The following MYO16 variants were observed in gnomAD, a reference collection of about 807,000 sequenced individuals.
MYO16 encodes the protein myosin XVI.
MYO16 carries 94 observed loss-of-function variants against 205.3 expected under a neutral mutation model. The observed-to-expected ratio is 0.46, with a 90% confidence interval of 0.39 to 0.54. The LOEUF (loss-of-function observed/expected upper bound fraction) is 0.54. Ranked by LOEUF, MYO16 falls within the 20% of genes least tolerant of loss-of-function variation. The probability of loss-of-function intolerance (pLI) is 0.00; values close to 1 mark genes in which losing one functional copy is unlikely to be tolerated. For synonymous variants in MYO16, 988 were observed against 954.0 expected (o/e 1.04, Z -0.66); for missense variants, 2,315 against 2,387.5 (o/e 0.97, Z 0.63).
chr13:108,576,124 T>A, the MYO16 span, among the ~76,000 whole-genome samples: 1 of 152,154 alleles, frequency 6.6e-6, no homozygotes, highest in African/African-American at 2.4e-5. Flanking sequence ...GCTGGTAAGC[T>A]GAAGTTCCAA....
chr13:109,176,858 C>T (rs973267138), intron 33 of MYO16, among the ~76,000 whole-genome samples: 2 of 152,044 alleles, frequency 1.3e-5, no homozygotes, highest in African/African-American at 4.8e-5. Flanking sequence ...ACCACCTGCC[C>T]AAGCTGCCAT....
intron 13 of MYO16, among the ~76,000 whole-genome samples, chr13:108,885,173 G>A (rs934096661): frequency 1.2e-4 from 18 of 152,164 alleles, no homozygotes; most frequent in African/African-American, 3.1e-4. Flanking sequence ...AGGCTGGAGT[G>A]CAATGGCACA....
At chr13:108,525,428 G>T in the MYO16 span, among the ~76,000 whole-genome samples, 1 of 152,188 alleles carries the variant, frequency 6.6e-6, no homozygotes, top group Admixed American at 6.5e-5. Flanking sequence ...CTCGAGCCAT[G>T]TGGGGAGGTT....
At chr13:108,500,767 G>C in the MYO16 span, among the ~76,000 whole-genome samples, 7 of 152,256 alleles carry the variant, frequency 4.6e-5, no homozygotes, top group African/African-American at 1.7e-4. Context: ...AGTTGCCAGA[G>C]TGATTTATCT....
At chr13:108,864,563 C>G (rs1248452830) in intron 11 of MYO16, among the ~76,000 whole-genome samples, 1 of 152,150 alleles carries the variant, frequency 6.6e-6, no homozygotes, top group Non-Finnish European at 1.5e-5. Context: ...GGATCTCACT[C>G]TTTCACCCAG....
intron 1 of MYO16, among the ~76,000 whole-genome samples, chr13:108,651,489 T>C (rs557568759): frequency 6.6e-6 from 1 of 152,218 alleles, no homozygotes; most frequent in Non-Finnish European, 1.5e-5. Flanking sequence ...TCAGAAAGCA[T>C]AGATGGATGT....
At position 109,078,767 on chromosome 13, in the gene MYO16, G is replaced by C. The variant is rs1196894908; in HGVS notation, c.3336-22018G>C. Among the ~76,000 whole-genome samples, 4 of 152,064 alleles carry C rather than the reference G, an allele frequency of 2.6e-5. No homozygotes were observed. In the South Asian group the frequency reaches 6.2e-4, roughly 24 times the overall value. ...GGAGCCAGAGAAGAATTTAACCAAGGGCCAATTATATCTTAGTACTGATGC... is the reference window on the plus strand; with the variant it reads ...GGAGCCAGAGAAGAATTTAACCAAGCGCCAATTATATCTTAGTACTGATGC... On this transcript the variant is annotated intron_variant, in intron 27 of 34. Transcript: ENST00000457511.
At chr13:108,658,982 C>T (rs1435456191) in intron 1 of MYO16, among the ~76,000 whole-genome samples, 1 of 151,660 alleles carries the variant, frequency 6.6e-6, no homozygotes, top group Non-Finnish European at 1.5e-5. Context: ...ACTGAGAGTA[C>T]CATGGCCACA....
At chr13:109,054,555 G>A (rs991262208) in intron 25 of MYO16, among the ~76,000 whole-genome samples, 2 of 152,012 alleles carry the variant, frequency 1.3e-5, no homozygotes, top group Admixed American at 6.6e-5. Context: ...GGATATGATC[G>A]TGAGTTTATT....
chr13:108,856,942 C>A (rs1464042357), intron 11 of MYO16, among the ~76,000 whole-genome samples: 1 of 152,150 alleles, frequency 6.6e-6, no homozygotes. Context: ...TATGGCCCAC[C>A]ACTTTTCATG....
intron 27 of MYO16, among the ~76,000 whole-genome samples, chr13:109,059,323 C>T (rs146928681): frequency 0.018 from 2,729 of 152,248 alleles, 37 homozygotes; most frequent in Non-Finnish European, 0.03. Context: ...TCTATTCTTA[C>T]ATAATTCCTC....
chr13:108,796,421 A>G (rs1886790534), intron 6 of MYO16, among the ~76,000 whole-genome samples: 1 of 152,206 alleles, frequency 6.6e-6, no homozygotes, highest in Admixed American at 6.5e-5. Context: ...TACTGGGTGT[A>G]TACCCAAAGG....
chr13:108,716,308 A>G (rs1883943331), intron 3 of MYO16, among the ~76,000 whole-genome samples: 1 of 152,238 alleles, frequency 6.6e-6, no homozygotes, highest in South Asian at 2.1e-4. Context: ...CTGAAGGAAA[A>G]GGAAATGAGA....
chr13:109,179,470 A>G, intron 33 of MYO16, 72 bp from the exon 34 acceptor site: 2 of 891,776 alleles, frequency 2.2e-6, no homozygotes, highest in Non-Finnish European at 3.8e-6. Context: ...GTTTATTGTA[A>G]TGAGTGCATG....
At chr13:108,933,816 T>A (rs1274819285) in intron 16 of MYO16, among the ~76,000 whole-genome samples, 3 of 152,118 alleles carry the variant, frequency 2.0e-5, no homozygotes, top group Non-Finnish European at 4.4e-5. Context: ...ATGAGCCCAG[T>A]GTTCAGTTCC....
chr13:109,090,865 C>G (rs1888598364), intron 27 of MYO16, among the ~76,000 whole-genome samples: 1 of 152,130 alleles, frequency 6.6e-6, no homozygotes, highest in African/African-American at 2.4e-5. Context: ...CGTCCCATTT[C>G]TCTTTCTTAT....
chr13:109,172,708 T>G (rs1878970634), intron 33 of MYO16, among the ~76,000 whole-genome samples: 1 of 152,200 alleles, frequency 6.6e-6, no homozygotes. Flanking sequence ...ATGATGAAAT[T>G]TAGCAGAAAG....
intron 9 of MYO16, among the ~76,000 whole-genome samples, chr13:108,825,640 A>T (rs1876220497): frequency 6.6e-6 from 1 of 151,534 alleles, no homozygotes; most frequent in East Asian, 1.9e-4. Context: ...AAGAAGTAAA[A>T]CTATCTCTAT....
intron 13 of MYO16, 24 bp downstream of exon 13, chr13:108,883,210 GC>G: frequency 1.2e-6 from 2 of 1,605,776 alleles, no homozygotes; most frequent in Non-Finnish European, 8.5e-7. Flanking sequence ...AACCTTGTCT[GC>G]CAGGCTCAGG....
Sources: gnomAD v4.1 joint callset for allele counts (sites outside exome capture counted in the v4.1 genomes callset) on GRCh38, gnomAD v4.1.1 for gene constraint, MANE v1.5 for transcripts, NCBI Gene and HGNC (gene_info 2026-07-23, HGNC 2026-07-21) for gene names.